Variants in BCAR3 observed in about 807,000 individuals in gnomAD.
BCAR3 encodes the protein BCAR3 adaptor protein, NSP family member.
Under a neutral mutation model 80.1 loss-of-function variants are expected in BCAR3, and 37 were observed. That is an observed-to-expected ratio of 0.46 (90% CI 0.36 to 0.61). The LOEUF (loss-of-function observed/expected upper bound fraction) is 0.61, where lower values mean the gene tolerates loss of function less well. Ranked by LOEUF, BCAR3 falls within the 20% of genes least tolerant of loss-of-function variation. The probability of loss-of-function intolerance (pLI) is 0.00; values close to 1 mark genes in which losing one functional copy is unlikely to be tolerated. For missense variants in BCAR3, 978 were observed against 1,068.2 expected (o/e 0.92, Z 1.18); for synonymous variants, 389 against 418.9 (o/e 0.93, Z 0.87).
intron 2 of BCAR3, among the ~76,000 whole-genome samples, chr1:93,843,247 G>C (rs1655026968): frequency 6.6e-6 from 1 of 152,204 alleles, no homozygotes; most frequent in Non-Finnish European, 1.5e-5. Flanking sequence ...GAAATGTACA[G>C]CTGAGTAGGA....
intron 7 of BCAR3, among the ~76,000 whole-genome samples, chr1:93,581,701 T>G (rs1480747697): frequency 3.9e-5 from 6 of 152,322 alleles, no homozygotes; most frequent in Non-Finnish European, 4.4e-5. Flanking sequence ...GCCAACATGC[T>G]CCGCCATTTT....
intron 2 of BCAR3, among the ~76,000 whole-genome samples, chr1:93,732,354 C>T (rs1362795175): frequency 6.6e-6 from 1 of 152,182 alleles, no homozygotes; most frequent in Admixed American, 6.5e-5. Context: ...GTGGCTCATG[C>T]CTGTAATCCC....
intron 2 of BCAR3, among the ~76,000 whole-genome samples, chr1:93,727,908 T>C (rs1650648561): frequency 1.3e-5 from 2 of 152,128 alleles, no homozygotes; most frequent in South Asian, 4.1e-4. Context: ...TTTGGGTGGG[T>C]CCTAAATCCA....
At chr1:93,703,816 G>C (rs1387665420) in intron 3 of BCAR3, among the ~76,000 whole-genome samples, 4 of 152,200 alleles carry the variant, frequency 2.6e-5, no homozygotes, top group African/African-American at 4.8e-5. Context: ...CTGTCTGGTT[G>C]GGGGAGGCAG....
intron 2 of BCAR3, among the ~76,000 whole-genome samples, chr1:93,781,898 T>C (rs1158071205): frequency 6.6e-6 from 1 of 152,184 alleles, no homozygotes; most frequent in East Asian, 1.9e-4. Context: ...TTTATCTAGG[T>C]CCTTGGGTTT....
intron 2 of BCAR3, among the ~76,000 whole-genome samples, chr1:93,803,573 A>C (rs1653566093): frequency 6.6e-6 from 1 of 152,180 alleles, no homozygotes; most frequent in Non-Finnish European, 1.5e-5. Context: ...AGTCAGTTCA[A>C]ACACAATAGG....
chr1:93,809,053 C>T lies in BCAR3; in HGVS notation c.-63+36514G>A, dbSNP rs111753437. On this transcript the variant is annotated intron_variant, in intron 2 of 13. Coordinates refer to the BCAR3 transcript ENST00000370244. ...TTGGGAAGTAGAAGAGAGAGAGAAG[C>T]GGGAGGGAAGGGTAGGGTGCCAAGT... 1.0e-3 allele frequency among the ~76,000 whole-genome samples: 152 copies of T among 151,924 alleles called. 3 individuals are homozygous for T. The highest frequency in any genetic ancestry group is 3.3e-3 in the African/African-American group (135 of 41,422).
At chr1:93,663,270 C>T (rs988248438) in intron 2 of BCAR3, among the ~76,000 whole-genome samples, 14 of 152,196 alleles carry the variant, frequency 9.2e-5, no homozygotes, top group Non-Finnish European at 1.3e-4. Context: ...TTTTCACAAT[C>T]CTCTTTTCAC....
At chr1:93,657,784 T>C (rs1201437415) in intron 2 of BCAR3, among the ~76,000 whole-genome samples, 9 of 151,700 alleles carry the variant, frequency 5.9e-5, no homozygotes, top group African/African-American at 2.2e-4. Flanking sequence ...TCATAATGTC[T>C]GGAATTAAAA....
At chr1:93,588,898 T>C (rs1674055194) in intron 5 of BCAR3, 79 bp downstream of exon 5, 2 of 1,388,036 alleles carry the variant, frequency 1.4e-6, no homozygotes, top group East Asian at 4.6e-5. Flanking sequence ...CTTTGTTCCA[T>C]GATGAATTCT....
At chr1:93,737,605 C>T (rs1053534258) in intron 2 of BCAR3, among the ~76,000 whole-genome samples, 2 of 152,142 alleles carry the variant, frequency 1.3e-5, no homozygotes, top group African/African-American at 2.4e-5. Flanking sequence ...GACTTTTGGC[C>T]TCCTGAACTG....
intron 2 of BCAR3, among the ~76,000 whole-genome samples, chr1:93,842,128 C>T (rs914076176): frequency 1.3e-5 from 2 of 148,416 alleles, no homozygotes; most frequent in African/African-American, 5.0e-5. Flanking sequence ...TACATCACAG[C>T]TGTTTGTGTA....
Position 93,651,393 on chromosome 1 carries a change from C to T in BCAR3, c.318-9050G>A, listed in dbSNP as rs543676644. ...TCTGGCAGATGGGAAGCTGGATGGT[C>T]CTCTGTCCAGACTGTTGGAAAAAGC... is the stretch of plus-strand genomic sequence containing the variant. On this transcript the variant is annotated intron_variant, in intron 2 of 11. Coordinates refer to ENST00000260502, the MANE Select transcript of BCAR3 (RefSeq NM_003567.4). 5.9e-5 allele frequency among the ~76,000 whole-genome samples: 9 copies of T among 152,314 alleles called. No homozygotes were observed. In the South Asian group the frequency reaches 1.9e-3, roughly 32 times the overall value.
chr1:93,785,097 T>C (rs1200472804), intron 2 of BCAR3, among the ~76,000 whole-genome samples: 1 of 152,178 alleles, frequency 6.6e-6, no homozygotes, highest in African/African-American at 2.4e-5. Flanking sequence ...TTTCAGTCAG[T>C]GGACAGCTGA....
intron 2 of BCAR3, among the ~76,000 whole-genome samples, chr1:93,760,972 C>A (rs987832825): frequency 6.6e-6 from 1 of 152,082 alleles, no homozygotes; most frequent in Non-Finnish European, 1.5e-5. Flanking sequence ...ACAGTGGGAA[C>A]TAAAAGGAAA....
At chr1:93,705,528 C>T (rs1339408070) in intron 3 of BCAR3, among the ~76,000 whole-genome samples, 1 of 152,216 alleles carries the variant, frequency 6.6e-6, no homozygotes, top group Non-Finnish European at 1.5e-5. Flanking sequence ...ACTTCTCCTC[C>T]CACTAGGGTT....
intron 2 of BCAR3, among the ~76,000 whole-genome samples, chr1:93,799,336 A>C (rs1414521629): frequency 2.6e-5 from 4 of 152,158 alleles, no homozygotes; most frequent in Non-Finnish European, 4.4e-5. Context: ...TTATTTACTG[A>C]ATAGTTATTT....
chr1:93,671,017 G>A (rs1233783223), intron 2 of BCAR3, among the ~76,000 whole-genome samples: 2 of 151,832 alleles, frequency 1.3e-5, no homozygotes, highest in Non-Finnish European at 2.9e-5. Context: ...TTTTGAAATG[G>A]AGTCTCACTC....
chr1:93,803,922 T>C (rs748499963), intron 2 of BCAR3, among the ~76,000 whole-genome samples: 1 of 152,228 alleles, frequency 6.6e-6, no homozygotes, highest in Non-Finnish European at 1.5e-5. Context: ...GTTTAATGCA[T>C]ATGTAGGCAT....
Sources: gnomAD v4.1 joint callset for allele counts (sites outside exome capture counted in the v4.1 genomes callset) on GRCh38, gnomAD v4.1.1 for gene constraint, MANE v1.5 for transcripts, NCBI Gene and HGNC (gene_info 2026-07-23, HGNC 2026-07-21) for gene names.